The following ERBB4 variants were observed in gnomAD, a reference collection of about 807,000 sequenced individuals.
The protein encoded by ERBB4 is erb-b2 receptor tyrosine kinase 4.
A neutral mutation model predicts 158.0 loss-of-function variants in ERBB4; 42 were observed. That is an observed-to-expected ratio of 0.27 (90% CI 0.21 to 0.34). The LOEUF is 0.34. Ranked by LOEUF, ERBB4 falls within the 10% of genes least tolerant of loss-of-function variation. The probability of loss-of-function intolerance (pLI) is 1.00; values close to 1 mark genes in which losing one functional copy is unlikely to be tolerated. For missense variants in ERBB4, 1,333 were observed against 1,624.1 expected, an observed-to-expected ratio of 0.82 and a Z score of 3.08; for synonymous variants, 583 against 558.7, an observed-to-expected ratio of 1.04 and a Z score of -0.61.
In ERBB4 at chr2:212,520,649, T is replaced by G. The variant is rs373494703; in HGVS notation, c.82+17800A>C. ...CATTGTTAAATTTGTTCTTATCTTT[T>G]GCAAAAATGAAGAATTCACAGCATC... On this transcript the variant is annotated intron_variant, in intron 1 of 27. Transcript: ENST00000342788. 1.3e-4 allele frequency among the ~76,000 whole-genome samples: 19 copies of G among 151,962 alleles called. No homozygotes were observed. The East Asian group carries it at 1.7e-3, about 14-fold the overall frequency.
chr2:211,958,172 A>C (rs1575435877), intron 2 of ERBB4, among the ~76,000 whole-genome samples: 1 of 152,228 alleles, frequency 6.6e-6, no homozygotes, highest in East Asian at 1.9e-4. Flanking sequence ...AGCCTTAATT[A>C]ATTTATAAAA....
intron 19 of ERBB4, among the ~76,000 whole-genome samples, chr2:211,577,950 G>A (rs1356877080): frequency 6.6e-6 from 1 of 152,132 alleles, no homozygotes; most frequent in East Asian, 1.9e-4. Flanking sequence ...AGTATTGGAA[G>A]TTCTGGCCAG....
chr2:212,463,819 T>A lies in ERBB4; in HGVS notation c.82+74630A>T, dbSNP rs948055487. Among the ~76,000 whole-genome samples the A allele has an allele frequency of 1.2e-4, 18 of 152,222 alleles. No individual in the cohort carries two copies. In the South Asian group the frequency reaches 2.7e-3, roughly 23 times the overall value. On this transcript the variant is annotated intron_variant, in intron 1 of 27. Transcript: ENST00000342788. ...CCTGTTTCATATTGCAGAATTACCA[T>A]CCTATTTAGGATACATGGAAAGACA...
chr2:211,640,044 T>C (rs2070516002), intron 16 of ERBB4, among the ~76,000 whole-genome samples: 1 of 152,090 alleles, frequency 6.6e-6, no homozygotes, highest in African/African-American at 2.4e-5. Flanking sequence ...TTTAAAGTAA[T>C]AGCCTGGTTT....
chr2:212,159,580 C>T (rs1553573553), intron 1 of ERBB4, among the ~76,000 whole-genome samples: 1 of 151,908 alleles, frequency 6.6e-6, no homozygotes, highest in Non-Finnish European at 1.5e-5. Context: ...GTGGGAGTTG[C>T]TGCTTTCCCA....
At chr2:211,758,171 C>T (rs1475988108) in intron 4 of ERBB4, among the ~76,000 whole-genome samples, 1 of 152,106 alleles carries the variant, frequency 6.6e-6, no homozygotes, top group Non-Finnish European at 1.5e-5. Context: ...ATGAAATAAA[C>T]ATGAACATAC....
chr2:211,978,614 A>G (rs2081700025), intron 2 of ERBB4, among the ~76,000 whole-genome samples: 2 of 152,140 alleles, frequency 1.3e-5, no homozygotes, highest in Admixed American at 6.6e-5. Flanking sequence ...TTAAATGACT[A>G]TCTTCTGATC....
intron 3 of ERBB4, among the ~76,000 whole-genome samples, chr2:211,925,318 T>C (rs1046625682): frequency 2.6e-5 from 4 of 151,672 alleles, no homozygotes; most frequent in Admixed American, 2.6e-4. Flanking sequence ...AACTTATTCC[T>C]GCTTCTATCA....
intron 1 of ERBB4, among the ~76,000 whole-genome samples, chr2:212,253,185 C>A (rs144246014): frequency 1.2e-4 from 18 of 152,228 alleles, no homozygotes; most frequent in African/African-American, 4.3e-4. Context: ...CGTTCTGGGG[C>A]TCCTTGACTA....
intron 2 of ERBB4, among the ~76,000 whole-genome samples, chr2:212,071,967 A>ATTTGAATTGTACAGAAT (rs1487259179): frequency 3.4e-4 from 52 of 152,014 alleles, no homozygotes; most frequent in African/African-American, 1.2e-3. Context: ...ATCATGAGGT[A>ATTTGAATTGTACAGAAT]TGTATTGGTA....
intron 20 of ERBB4, among the ~76,000 whole-genome samples, chr2:211,495,927 G>A (rs985594017): frequency 2.0e-5 from 3 of 151,724 alleles, no homozygotes; most frequent in Non-Finnish European, 4.4e-5. Flanking sequence ...AAAAACGTAG[G>A]GTTGTCCTCT....
chr2:212,115,290 T>C (rs1259238842), intron 2 of ERBB4, among the ~76,000 whole-genome samples: 3 of 152,128 alleles, frequency 2.0e-5, no homozygotes, highest in Non-Finnish European at 2.9e-5. Context: ...CCTTTAAAAT[T>C]GATTTGGTCT....
At chr2:212,014,355 T>G (rs1207730073) in intron 2 of ERBB4, among the ~76,000 whole-genome samples, 1 of 152,200 alleles carries the variant, frequency 6.6e-6, no homozygotes, top group Admixed American at 6.5e-5. Context: ...TAGAAAGTAG[T>G]TCAAAACAAC....
intron 3 of ERBB4, among the ~76,000 whole-genome samples, chr2:211,899,982 T>G (rs2079191465): frequency 6.6e-6 from 1 of 152,158 alleles, no homozygotes; most frequent in Non-Finnish European, 1.5e-5. Context: ...GTAAGTTTCT[T>G]GAGCACCCCT....
chr2:211,619,091 G>C (rs963677955), intron 19 of ERBB4, 86 bp downstream of exon 19: 11 of 792,126 alleles, frequency 1.4e-5, no homozygotes, highest in African/African-American at 5.2e-5. Context: ...TGTAAGTTGT[G>C]GAGTTTGGTT....
At chr2:211,451,732 C>T (rs1417501519) in intron 20 of ERBB4, among the ~76,000 whole-genome samples, 1 of 152,090 alleles carries the variant, frequency 6.6e-6, no homozygotes, top group African/African-American at 2.4e-5. Context: ...TAAGAAGGGT[C>T]AGTAAAATTG....
intron 3 of ERBB4, among the ~76,000 whole-genome samples, chr2:211,866,569 C>G (rs17414313): frequency 0.045 from 6,820 of 152,186 alleles, 260 homozygotes; most frequent in Middle Eastern, 0.068. Context: ...TACTCAGAAT[C>G]TGAAACACAT....
chr2:211,887,999 T>G (rs1185968985), intron 3 of ERBB4, among the ~76,000 whole-genome samples: 1 of 152,220 alleles, frequency 6.6e-6, no homozygotes, highest in African/African-American at 2.4e-5. Flanking sequence ...CATAGACCAT[T>G]ATAACCATCA....
At chr2:211,576,005 G>A (rs1286754856) in intron 19 of ERBB4, among the ~76,000 whole-genome samples, 2 of 152,118 alleles carry the variant, frequency 1.3e-5, no homozygotes, top group African/African-American at 4.8e-5. Context: ...TAATGCTGGT[G>A]TTATTTTAAT....
Sources: gnomAD v4.1 joint callset for allele counts (sites outside exome capture counted in the v4.1 genomes callset) on GRCh38, gnomAD v4.1.1 for gene constraint, MANE v1.5 for transcripts, NCBI Gene and HGNC (gene_info 2026-07-23, HGNC 2026-07-21) for gene names.